SLC22A23: variants seen among roughly 807,000 people sequenced by gnomAD.
SLC22A23 encodes the protein solute carrier family 22 member 23.
In SLC22A23, 26 loss-of-function variants were observed where a neutral mutation model predicts 61.0. That is an observed-to-expected ratio of 0.43 (90% CI 0.31 to 0.59). The LOEUF (loss-of-function observed/expected upper bound fraction) is 0.59, where lower values mean the gene tolerates loss of function less well. Ranked by LOEUF, SLC22A23 falls within the 20% of genes least tolerant of loss-of-function variation. The pLI, the probability that SLC22A23 is intolerant of heterozygous loss-of-function variation, is 0.11. For missense variants in SLC22A23, 796 were observed against 934.7 expected (o/e 0.85, Z 1.94); for synonymous variants, 430 against 413.9 (o/e 1.04, Z -0.47).
At chr6:3,343,134 A>G (rs543663473) in intron 3 of SLC22A23, among the ~76,000 whole-genome samples, 10 of 152,360 alleles carry the variant, frequency 6.6e-5, no homozygotes, top group African/African-American at 2.2e-4. Context: ...GTTTCTAGGT[A>G]GATGGGGGAG....
intron 4 of SLC22A23, among the ~76,000 whole-genome samples, chr6:3,314,185 G>GTACT (rs1762508739): frequency 6.6e-6 from 1 of 152,232 alleles, no homozygotes; most frequent in South Asian, 2.1e-4. Flanking sequence ...GTTAAACAAT[G>GTACT]TACTTACATA....
chr6:3,399,590 G>A (rs528288277), intron 3 of SLC22A23, among the ~76,000 whole-genome samples: 13 of 152,310 alleles, frequency 8.5e-5, no homozygotes, highest in Admixed American at 7.2e-4. Flanking sequence ...AACGTCCTGA[G>A]TTAATATTTA....
At chr6:3,279,360 A>G (rs1300895670) in intron 9 of SLC22A23, among the ~76,000 whole-genome samples, 1 of 151,244 alleles carries the variant, frequency 6.6e-6, no homozygotes, top group Non-Finnish European at 1.5e-5. Context: ...AAAATACAAA[A>G]ATTAGTTGGG....
At position 3,273,196 on chromosome 6, in the gene SLC22A23, C is replaced by T. The variant is rs770197470; in HGVS notation, c.1920G>A (p.Pro640=). Residue 640 remains proline (P), a synonymous_variant, in exon 10 of 10, where the codon CCG becomes CCA. Transcript: ENST00000406686. ...GCTCCCCCTTCTTGTGCGGCAGCAG[C>T]GGCTGGCGCGTGTAGTGCTCCCCGT... ...ISNGEHYTRQ[P]LLPHKKGEQP... The T allele has an allele frequency of 2.0e-5, 33 of 1,612,976 alleles. No individual in the cohort carries two copies. The East Asian group carries it at 3.6e-4, about 17-fold the overall frequency.
At chr6:3,380,297 A>G (rs894569421) in intron 3 of SLC22A23, among the ~76,000 whole-genome samples, 45 of 152,178 alleles carry the variant, frequency 3.0e-4, no homozygotes, top group Admixed American at 2.7e-3. Flanking sequence ...CCCTCCACTA[A>G]CCTATCTTGA....
chr6:3,294,483 C>A (rs1279777981), intron 5 of SLC22A23, among the ~76,000 whole-genome samples: 1 of 152,184 alleles, frequency 6.6e-6, no homozygotes, highest in Non-Finnish European at 1.5e-5. Context: ...CCAAAACATC[C>A]AATCCCCAAA....
At chr6:3,336,172 C>T (rs1316339654) in intron 3 of SLC22A23, among the ~76,000 whole-genome samples, 1 of 151,934 alleles carries the variant, frequency 6.6e-6, no homozygotes, top group Non-Finnish European at 1.5e-5. Flanking sequence ...CACAGATTTG[C>T]ACCTCACCTA....
At chr6:3,285,255 C>T (rs1173133415) in intron 7 of SLC22A23, 144 bp from the exon 8 acceptor site, 31 of 1,127,240 alleles carry the variant, frequency 2.8e-5, no homozygotes, top group East Asian at 1.5e-4. Flanking sequence ...TCTGGGATGG[C>T]GCTGGCCGCC....
chr6:3,307,957 T>C (rs1270662672), intron 4 of SLC22A23, among the ~76,000 whole-genome samples: 1 of 152,186 alleles, frequency 6.6e-6, no homozygotes, highest in Non-Finnish European at 1.5e-5. Context: ...GACACCGTAC[T>C]CTGTGCAATA....
intron 1 of SLC22A23, among the ~76,000 whole-genome samples, chr6:3,418,684 A>G (rs1345520352): frequency 6.6e-6 from 1 of 152,224 alleles, no homozygotes; most frequent in African/African-American, 2.4e-5. Flanking sequence ...GCCACCTGCT[A>G]CCTTAAACCC....
In SLC22A23 at chr6:3,456,091, T is replaced by G; in HGVS notation, c.469A>C (p.Thr157Pro). ...GDMGNWTSLPTTPFATAPWEA... is the reference protein window; with the variant it reads ...GDMGNWTSLPPTPFATAPWEA... ...CAGGGGGCAGTGGCGAAGGGGGTGGTGGGGAGGCTGGTCCAGTTGCCCATG... is the reference window on the plus strand; with the variant it reads ...CAGGGGGCAGTGGCGAAGGGGGTGGGGGGGAGGCTGGTCCAGTTGCCCATG... The change falls in exon 1 of 10, where the codon ACC becomes CCC. Residue 157 changes from threonine to proline, a missense_variant. Physicochemically the swap from Thr to Pro is conservative, Grantham distance 38. Coordinates refer to ENST00000406686, the MANE Select transcript of SLC22A23 (RefSeq NM_015482.2). This position sits in a 1 kb window ranked among gnomAD's most constrained non-coding sequence, Gnocchi z 7.1. 6.5e-7 allele frequency: 1 copy of G among 1,549,938 alleles called. No individual in the cohort carries two copies. The highest frequency in any genetic ancestry group is 8.7e-7 in the Non-Finnish European group (1 of 1,146,520).
chr6:3,450,057 T>C (rs907460450), intron 1 of SLC22A23, among the ~76,000 whole-genome samples: 2 of 152,134 alleles, frequency 1.3e-5, no homozygotes, highest in Non-Finnish European at 2.9e-5. Flanking sequence ...TGAGACAAAA[T>C]ATGTAAATGA....
intron 9 of SLC22A23, among the ~76,000 whole-genome samples, chr6:3,278,801 C>T (rs745595968): frequency 3.6e-4 from 55 of 152,176 alleles, no homozygotes; most frequent in African/African-American, 1.3e-3. Context: ...GGATAATGGA[C>T]ATGATTTTAA....
Position 3,308,981 on chromosome 6 carries a change from A to T in SLC22A23, c.1083-10763T>A, listed in dbSNP as rs544556989. Among the ~76,000 whole-genome samples, 3 of 151,356 alleles carry T rather than the reference A, an allele frequency of 2.0e-5. No homozygotes were observed. The South Asian group carries it at 6.3e-4, about 32-fold the overall frequency. On this transcript the variant is annotated intron_variant, in intron 4 of 9. Coordinates refer to ENST00000406686, the MANE Select transcript of SLC22A23 (RefSeq NM_015482.2). This position sits in a 1 kb window ranked among gnomAD's most constrained non-coding sequence, Gnocchi z 5.1. ...ACAAACCAACCAAAAAACCCCAACA[A>T]CCCACAGTGTGGATCGGCAGGTCCC...
intron 7 of SLC22A23, among the ~76,000 whole-genome samples, chr6:3,285,703 C>A (rs1259909525): frequency 1.3e-5 from 2 of 152,184 alleles, no homozygotes; most frequent in Non-Finnish European, 2.9e-5. Context: ...CAGCAGTCTC[C>A]CAGCAAGGTA....
At position 3,415,738 on chromosome 6, in the gene SLC22A23, A is replaced by C; in HGVS notation, c.758+14T>G. ...GCCTCCAAAGGTTCGTGCGGCGGGCATGTTGGTACTCACCAGTCAGCAATG... is the reference window on the plus strand; with the variant it reads ...GCCTCCAAAGGTTCGTGCGGCGGGCCTGTTGGTACTCACCAGTCAGCAATG... On this transcript the variant is annotated intron_variant, in intron 2 of 9. Transcript: ENST00000406686. 1 of 1,533,766 alleles carries C rather than the reference A, an allele frequency of 6.5e-7. No homozygotes were observed. The highest frequency in any genetic ancestry group is 8.8e-7 in the Non-Finnish European group (1 of 1,130,958).
chr6:3,353,182 A>G (rs1045477456), intron 3 of SLC22A23, among the ~76,000 whole-genome samples: 1 of 152,192 alleles, frequency 6.6e-6, no homozygotes, highest in African/African-American at 2.4e-5. Context: ...TTATTCTTGG[A>G]GATTTTGAAG....
intron 3 of SLC22A23, among the ~76,000 whole-genome samples, chr6:3,340,142 G>A (rs1054562700): frequency 1.6e-4 from 25 of 152,194 alleles, no homozygotes; most frequent in African/African-American, 5.8e-4. Context: ...GGATGGCCTG[G>A]AGAAGGGAAT....
chr6:3,455,715 G>T (rs1456204034), intron 1 of SLC22A23, among the ~76,000 whole-genome samples, 191 bp downstream of exon 1: 1 of 152,218 alleles, frequency 6.6e-6, no homozygotes, highest in Non-Finnish European at 1.5e-5. Context: ...ACTAGTAAAG[G>T]CTATGGTGCT....
Sources: gnomAD v4.1 joint callset for allele counts (sites outside exome capture counted in the v4.1 genomes callset) on GRCh38, gnomAD v4.1.1 for gene constraint, Gnocchi (gnomAD v3.1) non-coding constraint, MANE v1.5 for transcripts, NCBI Gene and HGNC (gene_info 2026-07-23, HGNC 2026-07-21) for gene names.